Variants in ACLY observed in about 807,000 individuals in gnomAD.
ACLY encodes the protein ATP-citrate synthase.
In ACLY, 41 loss-of-function variants were observed where a neutral mutation model predicts 133.0. The ratio of observed to expected loss-of-function variants is 0.31; its 90% CI spans 0.24 to 0.40. The LOEUF is 0.40. Among genes scored for constraint, ACLY ranks in the 10% least tolerant of loss-of-function variants. The pLI, the probability that ACLY is intolerant of heterozygous loss-of-function variation, is 1.00. For missense variants in ACLY, 1,046 were observed against 1,453.8 expected (o/e 0.72, Z 4.56); for synonymous variants, 495 against 549.3 (o/e 0.90, Z 1.38).
chr17:41,909,565 TCA>T lies in ACLY; in HGVS notation c.479_480del (p.Leu160GlnfsTer3), dbSNP rs782211532. The T allele has an allele frequency of 2.1e-5, 34 of 1,614,076 alleles. No homozygotes were observed. The highest frequency in any genetic ancestry group is 2.7e-5 in the Non-Finnish European group (32 of 1,180,048). ...AGGTGTTTTTTGATGTCCTCAGGAT[TCA>T]GTTTCTCATCCACGCCAACAAGCAG... is the stretch of plus-strand genomic sequence containing the variant. ...QKLLVGVDEK[L>X]NPEDIKKHLL... On this transcript the variant is annotated frameshift_variant, in exon 5 of 29. Transcript: ENST00000352035. LOFTEE classifies it high-confidence loss of function.
In ACLY at chr17:41,904,761, C is replaced by A; in HGVS notation, c.1033G>T (p.Ala345Ser). 6.2e-7 allele frequency: 1 copy of A among 1,613,960 alleles called. No homozygotes were observed. Among genetic ancestry groups the A allele is most frequent in the Non-Finnish European group, 8.5e-7 (1 of 1,179,856 alleles). Residue 345 changes from alanine to serine, a missense_variant, in exon 10 of 29, where the codon GCA (alanine) becomes TCA (serine). Physicochemically the swap from Ala to Ser is moderately conservative, Grantham distance 99. This residue lies in a region of ACLY where 575 missense variants were observed against 804.2 expected (regional missense o/e 0.71). Transcript: ENST00000352035. ...GKILIIGGSI[A>S]NFTNVAATFK... ...GTGGCAGCCACGTTGGTGAAGTTTG[C>A]GATGCTGCCTCCAATGATGAGGATC...
intron 22 of ACLY, among the ~76,000 whole-genome samples, chr17:41,877,892 C>A (rs1463167105): frequency 6.6e-6 from 1 of 152,088 alleles, no homozygotes; most frequent in African/African-American, 2.4e-5. Context: ...TTATAGACAG[C>A]CTATTGTGGT....
intron 1 of ACLY, among the ~76,000 whole-genome samples, chr17:41,926,735 C>T (rs896005152): frequency 1.3e-4 from 19 of 151,988 alleles, no homozygotes; most frequent in Non-Finnish European, 1.9e-4. Flanking sequence ...GTGATCCGCC[C>T]GCCTCGGCCT....
At chr17:41,900,498 T>A (rs2049507391) in intron 11 of ACLY, among the ~76,000 whole-genome samples, 1 of 151,940 alleles carries the variant, frequency 6.6e-6, no homozygotes, top group Admixed American at 6.6e-5. Context: ...GGCAAGAGGA[T>A]CACTTGAGGC....
chr17:41,926,250 A>G (rs575256415), intron 1 of ACLY, among the ~76,000 whole-genome samples: 1 of 152,348 alleles, frequency 6.6e-6, no homozygotes, highest in African/African-American at 2.4e-5. Flanking sequence ...CTGGAATCCA[A>G]TTCTAGCACT....
At chr17:41,912,331 T>TG in intron 3 of ACLY, 89 bp downstream of exon 3, 2 of 1,531,894 alleles carry the variant, frequency 1.3e-6, no homozygotes, top group East Asian at 4.6e-5. Context: ...AGACTGGCTG[T>TG]GGGGGTGATC....
chr17:41,874,180 C>T (rs564525040), intron 22 of ACLY, among the ~76,000 whole-genome samples: 12 of 152,238 alleles, frequency 7.9e-5, no homozygotes, highest in Non-Finnish European at 1.3e-4. Flanking sequence ...GGACCCATGA[C>T]ACCACTTGGC....
chr17:41,929,190 G>A (rs551053003), intron 1 of ACLY, among the ~76,000 whole-genome samples: 4 of 148,264 alleles, frequency 2.7e-5, no homozygotes, highest in East Asian at 4.0e-4. Flanking sequence ...GACCTCCCAC[G>A]CTCAAGTGAT....
At chr17:41,876,881 C>T (rs1484584323) in intron 22 of ACLY, among the ~76,000 whole-genome samples, 1 of 149,938 alleles carries the variant, frequency 6.7e-6, no homozygotes, top group African/African-American at 2.5e-5. Flanking sequence ...TCCCCCTCTG[C>T]GAGAAACACC....
intron 2 of ACLY, 95 bp downstream of exon 2, chr17:41,913,620 C>A: frequency 2.2e-6 from 3 of 1,382,220 alleles, no homozygotes; most frequent in Non-Finnish European, 1.0e-6. Context: ...AGCCTCCAAC[C>A]CCATGACCCT....
intron 28 of ACLY, among the ~76,000 whole-genome samples, chr17:41,868,274 T>C (rs2048512055): frequency 6.6e-6 from 1 of 151,650 alleles, no homozygotes; most frequent in Admixed American, 6.6e-5. Flanking sequence ...CCGTCTCTAC[T>C]AAAAATACAA....
chr17:41,876,819 G>C (rs1386029249), intron 22 of ACLY, among the ~76,000 whole-genome samples: 2 of 151,674 alleles, frequency 1.3e-5, no homozygotes, highest in Non-Finnish European at 2.9e-5. Context: ...AGAGACCTTT[G>C]TTCACTTATC....
chr17:41,903,805 A>G (rs1433076281), intron 10 of ACLY, among the ~76,000 whole-genome samples: 1 of 145,304 alleles, frequency 6.9e-6, no homozygotes. Flanking sequence ...GAGAACCCAG[A>G]GTCTCACGAG....
intron 2 of ACLY, 134 bp downstream of exon 2, chr17:41,913,581 A>G: frequency 1.1e-6 from 1 of 941,006 alleles, no homozygotes; most frequent in African/African-American, 1.6e-5. Context: ...TGCTCAGCCC[A>G]TGGCATGCTT....
intron 10 of ACLY, among the ~76,000 whole-genome samples, chr17:41,902,525 CA>C (rs2049570489): frequency 6.6e-6 from 1 of 152,156 alleles, no homozygotes; most frequent in Non-Finnish European, 1.5e-5. Flanking sequence ...GGTGTAAGAA[CA>C]GTTCTTACAA....
At chr17:41,886,361 C>T (rs2049047817) in intron 17 of ACLY, 53 bp from the exon 18 acceptor site, 3 of 1,510,216 alleles carry the variant, frequency 2.0e-6, no homozygotes, top group African/African-American at 1.4e-5. Context: ...AGATTCACCA[C>T]AAAGAATCAC....
chr17:41,914,420 C>G (rs911476125), intron 1 of ACLY, among the ~76,000 whole-genome samples: 2 of 152,218 alleles, frequency 1.3e-5, no homozygotes, highest in Non-Finnish European at 2.9e-5. Context: ...TACCCCTATA[C>G]ACACCCTTAC....
At chr17:41,873,273 G>A (rs1350886904) in intron 23 of ACLY, among the ~76,000 whole-genome samples, 1 of 150,668 alleles carries the variant, frequency 6.6e-6, no homozygotes, top group Non-Finnish European at 1.5e-5. Flanking sequence ...TCCACCTCCC[G>A]GGTTCAAGTG....
rs569488604 is a variant in ACLY at position 41,927,899 on chromosome 17, G to A, written c.-28+2459C>T. Among the ~76,000 whole-genome samples the A allele has an allele frequency of 2.6e-5, 4 of 151,804 alleles. No homozygotes were observed. In the South Asian group the frequency reaches 8.3e-4, roughly 32 times the overall value. On this transcript the variant is annotated intron_variant, in intron 1 of 3. Coordinates refer to the ACLY transcript ENST00000592970. ...CATCTGTAAGCCTGGCACTTTGAGA[G>A]GCCGCGGTGGGAGGATTGCTTGAGT...
Sources: gnomAD v4.1 joint callset for allele counts (sites outside exome capture counted in the v4.1 genomes callset) on GRCh38, gnomAD v4.1.1 for gene constraint, gnomAD v4.1.1 regional missense constraint, MANE v1.5 for transcripts, NCBI Gene and HGNC (gene_info 2026-07-23, HGNC 2026-07-21) for gene names.